Variants in SPHKAP observed in about 807,000 individuals in gnomAD.
The protein encoded by SPHKAP is SPHK1 interactor, AKAP domain containing.
In SPHKAP, 67 loss-of-function variants were observed where a neutral mutation model predicts 137.5. The ratio of observed to expected loss-of-function variants is 0.49; its 90% confidence interval spans 0.40 to 0.60. The LOEUF is 0.60. Among genes scored for constraint, SPHKAP ranks in the 20% least tolerant of loss-of-function variants. The probability of loss-of-function intolerance (pLI) is 0.00; values close to 1 mark genes in which losing one functional copy is unlikely to be tolerated. For synonymous variants in SPHKAP, 813 were observed against 785.3 expected (o/e 1.04, Z -0.59); for missense variants, 2,097 against 2,069.3 (o/e 1.01, Z -0.26).
chr2:228,162,381 A>G (rs1468355408), intron 1 of SPHKAP, among the ~76,000 whole-genome samples: 1 of 152,230 alleles, frequency 6.6e-6, no homozygotes, highest in African/African-American at 2.4e-5. Flanking sequence ...TGTCTCTTAT[A>G]TTTGAAGTAT....
chr2:228,125,635 G>A (rs1559187093), intron 2 of SPHKAP, among the ~76,000 whole-genome samples: 1 of 152,060 alleles, frequency 6.6e-6, no homozygotes, highest in African/African-American at 2.4e-5. Context: ...GGAGATAACA[G>A]TTTTTTTATT....
At chr2:228,146,437 T>C (rs1340556163) in intron 1 of SPHKAP, among the ~76,000 whole-genome samples, 1 of 152,220 alleles carries the variant, frequency 6.6e-6, no homozygotes, top group East Asian at 1.9e-4. Flanking sequence ...ACTTTTATTT[T>C]AGGTTTGGGG....
At chr2:228,163,325 C>CGA (rs367853190) in intron 1 of SPHKAP, among the ~76,000 whole-genome samples, 28 of 150,428 alleles carry the variant, frequency 1.9e-4, no homozygotes, top group Admixed American at 4.6e-4. Flanking sequence ...AGAGAGAAAA[C>CGA]GAGAGAGAGA....
intron 1 of SPHKAP, among the ~76,000 whole-genome samples, chr2:228,140,851 C>A (rs750982931): frequency 1.3e-5 from 2 of 152,128 alleles, no homozygotes; most frequent in African/African-American, 2.4e-5. Flanking sequence ...GCCCACTCCC[C>A]CTTTGTCTCC....
At position 228,113,603 on chromosome 2, in the gene SPHKAP, A is replaced by ATCTCTCTCTCTCTCTCTCTCTCTCTC. The variant is rs139499722; in HGVS notation, c.139-4690_139-4665dup. Among the ~76,000 whole-genome samples, 52 of 97,970 alleles carry ATCTCTCTCTCTCTCTCTCTCTCTCTC rather than the reference A, an allele frequency of 5.3e-4. 1 individual carries two copies. The highest frequency in any genetic ancestry group is 8.1e-4 in the Non-Finnish European group (37 of 45,834). The allele number at this position is 97,970 out of a possible 152,430, so 64.3% of individuals were successfully genotyped here. A position where few individuals can be genotyped will look rare whatever the true frequency, so the allele number is the denominator to read the frequency against. On this transcript the variant is annotated intron_variant, in intron 2 of 11. Coordinates refer to ENST00000392056, the MANE Select transcript of SPHKAP (RefSeq NM_001142644.2). Reference sequence around the variant, plus strand: ...CAAATCCCAGTCTATGCATTTAGCCATCTCTCTCTCTCTCTCTCTCTCTCT... The same window carrying ATCTCTCTCTCTCTCTCTCTCTCTCTC: ...CAAATCCCAGTCTATGCATTTAGCCATCTCTCTCTCTCTCTCTCTCTCTCTCTCTCTCTCTCTCTCTCTCTCTCTCT...
Position 228,080,632 on chromosome 2 carries a change from A to G in SPHKAP, c.246+28200T>C, listed in dbSNP as rs143665206. ...TGAGGCAGGAGAATCACTTAAACCC[A>G]GGAGGCAGAGGTTGCAGTGAGCCGT... On this transcript the variant is annotated intron_variant, in intron 3 of 11. Coordinates refer to ENST00000392056, the MANE Select transcript of SPHKAP (RefSeq NM_001142644.2). 1.0e-2 allele frequency among the ~76,000 whole-genome samples: 1,515 copies of G among 152,178 alleles called. 42 individuals carry two copies. Among genetic ancestry groups the G allele is most frequent in the African/African-American group, 0.035 (1,450 of 41,492 alleles).
chr2:228,029,330 T>C (rs1695192878), intron 3 of SPHKAP, among the ~76,000 whole-genome samples: 1 of 152,238 alleles, frequency 6.6e-6, no homozygotes, highest in South Asian at 2.1e-4. Context: ...TCATGGTTTC[T>C]TAGTCCATCT....
intron 7 of SPHKAP, chr2:227,996,213 C>T (rs559102445): frequency 3.4e-5 from 25 of 745,342 alleles, no homozygotes; most frequent in Middle Eastern, 7.1e-4. Context: ...TTTTGATATG[C>T]ATGCCTCTGT....
intron 7 of SPHKAP, among the ~76,000 whole-genome samples, chr2:228,008,919 C>T (rs1356846995): frequency 6.6e-6 from 1 of 152,148 alleles, no homozygotes; most frequent in African/African-American, 2.4e-5. Context: ...AATCCTCTAA[C>T]TTTGTTCTTC....
At chr2:227,992,395 C>G (rs1338442593) in intron 9 of SPHKAP, among the ~76,000 whole-genome samples, 1 of 152,146 alleles carries the variant, frequency 6.6e-6, no homozygotes, top group African/African-American at 2.4e-5. Flanking sequence ...ATGGGAGGCA[C>G]AGTTTCTGCT....
chr2:228,105,585 A>T (rs1211597068), intron 3 of SPHKAP, among the ~76,000 whole-genome samples: 1 of 152,302 alleles, frequency 6.6e-6, no homozygotes, highest in Admixed American at 6.5e-5. Context: ...GTGTGTCCCC[A>T]CCAAAATCTC....
At chr2:228,107,593 A>G (rs1698383471) in intron 3 of SPHKAP, among the ~76,000 whole-genome samples, 2 of 152,150 alleles carry the variant, frequency 1.3e-5, no homozygotes, top group Non-Finnish European at 2.9e-5. Context: ...AACTTTAGTG[A>G]GTTCTCCTGA....
chr2:228,025,928 T>C (rs973111579), intron 4 of SPHKAP: 2 of 936,620 alleles, frequency 2.1e-6, no homozygotes, highest in South Asian at 9.9e-5. Flanking sequence ...CATCCAAATC[T>C]CATCTTGTAG....
intron 3 of SPHKAP, among the ~76,000 whole-genome samples, chr2:228,062,926 A>G (rs1696701565): frequency 6.6e-6 from 1 of 152,312 alleles, no homozygotes; most frequent in Non-Finnish European, 1.5e-5. Flanking sequence ...GCATTAGAGA[A>G]AATAACTTGG....
At chr2:228,052,474 A>C (rs1696291616) in intron 3 of SPHKAP, among the ~76,000 whole-genome samples, 1 of 152,188 alleles carries the variant, frequency 6.6e-6, no homozygotes, top group Admixed American at 6.5e-5. Context: ...AAACAAAAAG[A>C]ATCAGAACAA....
chr2:228,003,598 T>A (rs1465195096), intron 7 of SPHKAP, among the ~76,000 whole-genome samples: 1 of 152,224 alleles, frequency 6.6e-6, no homozygotes, highest in East Asian at 1.9e-4. Context: ...TCCAAAACTA[T>A]GTTGGATAGG....
At chr2:228,072,670 T>C (rs1240941837) in intron 3 of SPHKAP, among the ~76,000 whole-genome samples, 3 of 152,182 alleles carry the variant, frequency 2.0e-5, no homozygotes, top group African/African-American at 4.8e-5. Context: ...TCTTGGAACA[T>C]GTACCTTGAG....
At chr2:228,082,506 C>G (rs969972927) in intron 3 of SPHKAP, among the ~76,000 whole-genome samples, 11 of 152,150 alleles carry the variant, frequency 7.2e-5, no homozygotes, top group African/African-American at 2.7e-4. Context: ...AGGAAGGCAT[C>G]TAAAATGGTA....
chr2:228,005,375 C>A lies in SPHKAP; in HGVS notation c.4449-9681G>T, dbSNP rs866446849. 8.5e-5 allele frequency among the ~76,000 whole-genome samples: 13 copies of A among 152,218 alleles called. No individual in the cohort carries two copies. In the Middle Eastern group the frequency reaches 0.01, roughly 119 times the overall value. On this transcript the variant is annotated intron_variant, in intron 7 of 11. Transcript: ENST00000392056. ...TTTATCAGAGACTAGGATTGTAACC[C>A]CTGCCTTTTTTTGTTTTCCATTTGC... is the stretch of plus-strand genomic sequence containing the variant.
Sources: allele counts gnomAD v4.1 joint callset (sites outside exome capture counted in the v4.1 genomes callset), GRCh38; gene constraint gnomAD v4.1.1; transcripts MANE v1.5; gene names NCBI Gene and HGNC (gene_info 2026-07-23, HGNC 2026-07-21).